PTPRD: variants seen among roughly 807,000 people sequenced by gnomAD.
PTPRD encodes receptor-type tyrosine-protein phosphatase delta.
A neutral mutation model predicts 214.5 loss-of-function variants in PTPRD; 34 were observed. The ratio of observed to expected loss-of-function variants is 0.16; its 90% CI spans 0.12 to 0.21. PTPRD has a LOEUF of 0.21. Ranked by LOEUF, PTPRD falls within the 10% of genes least tolerant of loss-of-function variation. The probability of loss-of-function intolerance (pLI) is 1.00; values close to 1 mark genes in which losing one functional copy is unlikely to be tolerated. For missense variants in PTPRD, 2,545 were observed against 2,398.7 expected (o/e 1.06, Z -1.27); for synonymous variants, 1,128 against 845.7 (o/e 1.33, Z -5.79).
chr9:8,548,588 G>A (rs956660578), intron 14 of PTPRD, among the ~76,000 whole-genome samples: 5 of 149,730 alleles, frequency 3.3e-5, no homozygotes, highest in Non-Finnish European at 7.4e-5. Flanking sequence ...GGCTGTTCTC[G>A]AACTCCTGAC....
intron 6 of PTPRD, among the ~76,000 whole-genome samples, chr9:9,750,727 A>T (rs1280922421): frequency 6.6e-6 from 1 of 152,184 alleles, no homozygotes; most frequent in Non-Finnish European, 1.5e-5. Context: ...CTAACAAGAT[A>T]TCTTGAGGAA....
intron 37 of PTPRD, among the ~76,000 whole-genome samples, chr9:8,382,689 T>C (rs16927703): frequency 0.031 from 4,762 of 152,308 alleles, 218 homozygotes; most frequent in African/African-American, 0.11. Flanking sequence ...ATTGCCAACA[T>C]GAGCATCATT....
In PTPRD at chr9:10,330,130, C is replaced by T. The variant is rs191790027; in HGVS notation, c.-545+10833G>A. Among the ~76,000 whole-genome samples the T allele has an allele frequency of 9.9e-5, 15 of 151,702 alleles. No individual in the cohort carries two copies. In the East Asian group the frequency reaches 2.0e-3, roughly 20 times the overall value. On this transcript the variant is annotated intron_variant, in intron 3 of 45. Coordinates refer to ENST00000381196, the MANE Select transcript of PTPRD (RefSeq NM_002839.4). ...TCAATTTGTATAACAAGAACTTGCC[C>T]TCTGTCACAGGAAACTTAAATACTT...
intron 11 of PTPRD, among the ~76,000 whole-genome samples, chr9:8,951,138 AGTGT>A (rs56212369): frequency 1.4e-5 from 2 of 147,228 alleles, no homozygotes; most frequent in East Asian, 2.0e-4. Flanking sequence ...TAGGAAAAAG[AGTGT>A]GTGTGTGTGT....
intron 39 of PTPRD, among the ~76,000 whole-genome samples, chr9:8,342,275 C>T (rs893520171): frequency 3.9e-5 from 6 of 151,960 alleles, no homozygotes; most frequent in African/African-American, 1.4e-4. Context: ...ATTTCGAAAA[C>T]TTTTGAAGTC....
At chr9:10,515,813 T>C (rs1241130656) in intron 2 of PTPRD, among the ~76,000 whole-genome samples, 1 of 151,956 alleles carries the variant, frequency 6.6e-6, no homozygotes, top group Non-Finnish European at 1.5e-5. Flanking sequence ...TTATTTTTCA[T>C]ACCTTGGAAT....
At chr9:10,281,063 T>A (rs1339635346) in intron 3 of PTPRD, among the ~76,000 whole-genome samples, 1 of 152,152 alleles carries the variant, frequency 6.6e-6, no homozygotes, top group Non-Finnish European at 1.5e-5. Context: ...GATACTCTAA[T>A]TTTCCCAAGC....
At chr9:8,940,649 G>C (rs2099027876) in intron 11 of PTPRD, among the ~76,000 whole-genome samples, 1 of 151,608 alleles carries the variant, frequency 6.6e-6, no homozygotes, top group African/African-American at 2.4e-5. Context: ...CCTAAATTAG[G>C]AATTTTACCT....
chr9:10,183,236 A>T (rs574721796), intron 3 of PTPRD, among the ~76,000 whole-genome samples: 2 of 152,278 alleles, frequency 1.3e-5, no homozygotes, highest in Non-Finnish European at 2.9e-5. Flanking sequence ...TATACTAAAT[A>T]TATTAGAATG....
chr9:9,736,549 T>G (rs2098298557), intron 6 of PTPRD, among the ~76,000 whole-genome samples: 4 of 152,086 alleles, frequency 2.6e-5, no homozygotes. Flanking sequence ...TGTTCTACTT[T>G]AGCAAATAAT....
At chr9:10,048,581 C>T (rs1253142049) in intron 3 of PTPRD, among the ~76,000 whole-genome samples, 3 of 151,896 alleles carry the variant, frequency 2.0e-5, no homozygotes, top group African/African-American at 4.8e-5. Flanking sequence ...TTTTTTACTA[C>T]TAATTTCATT....
At chr9:9,391,798 T>G (rs1462643073) in intron 9 of PTPRD, among the ~76,000 whole-genome samples, 1 of 152,182 alleles carries the variant, frequency 6.6e-6, no homozygotes, top group Non-Finnish European at 1.5e-5. Context: ...GCCACTGTAT[T>G]TCTATTCTGT....
intron 9 of PTPRD, among the ~76,000 whole-genome samples, chr9:9,378,912 G>C (rs1008464615): frequency 2.0e-5 from 3 of 151,866 alleles, no homozygotes; most frequent in African/African-American, 7.2e-5. Flanking sequence ...CTCCTTATCA[G>C]ATGTATCCTT....
intron 10 of PTPRD, among the ~76,000 whole-genome samples, chr9:9,077,484 G>A (rs1591179918): frequency 6.6e-6 from 1 of 152,012 alleles, no homozygotes; most frequent in Admixed American, 6.6e-5. Context: ...GTCAATATAA[G>A]ATGTGGTTGG....
rs565626566 is a variant in PTPRD at position 9,834,917 on chromosome 9, A to G, written c.-367-68066T>C. Among the ~76,000 whole-genome samples, 12 of 152,116 alleles carry G rather than the reference A, an allele frequency of 7.9e-5. No individual in the cohort carries two copies. The East Asian group carries it at 2.3e-3, about 29-fold the overall frequency. On this transcript the variant is annotated intron_variant, in intron 5 of 45. Transcript: ENST00000381196. The stretch of plus-strand genomic sequence containing the variant: ...CCTCTGGTCAAAGTAAATAAATATT[A>G]ACCTAACAGGTACTTTTGTTTTTTT...
intron 11 of PTPRD, among the ~76,000 whole-genome samples, chr9:8,979,813 A>G (rs2099298443): frequency 6.6e-6 from 1 of 152,124 alleles, no homozygotes; most frequent in African/African-American, 2.4e-5. Context: ...GCCATTATGG[A>G]AAAAAGTATG....
intron 7 of PTPRD, among the ~76,000 whole-genome samples, chr9:9,722,834 C>A (rs1025088528): frequency 6.6e-6 from 1 of 151,910 alleles, no homozygotes; most frequent in Non-Finnish European, 1.5e-5. Context: ...TGCTTTTGAC[C>A]ATTTCTATAC....
At chr9:8,333,931 CAAAG>C (rs1314127951) in intron 43 of PTPRD, among the ~76,000 whole-genome samples, 4 of 151,924 alleles carry the variant, frequency 2.6e-5, no homozygotes, top group African/African-American at 7.3e-5. Flanking sequence ...TCAAAAGAGA[CAAAG>C]AAGGCCATTA....
At chr9:8,318,746 G>A (rs960451637) in intron 45 of PTPRD, among the ~76,000 whole-genome samples, 1 of 152,016 alleles carries the variant, frequency 6.6e-6, no homozygotes, top group Non-Finnish European at 1.5e-5. Flanking sequence ...GCAGTATGAA[G>A]CATGGCCTTT....
Sources: gnomAD v4.1 joint callset for allele counts (sites outside exome capture counted in the v4.1 genomes callset) on GRCh38, gnomAD v4.1.1 for gene constraint, MANE v1.5 for transcripts, NCBI Gene and HGNC (gene_info 2026-07-23, HGNC 2026-07-21) for gene names.